Variants in ATRNL1 observed in about 807,000 individuals in gnomAD.
The protein encoded by ATRNL1 is attractin-like protein 1.
ATRNL1 carries 95 observed loss-of-function variants against 182.7 expected under a neutral mutation model. The observed-to-expected ratio is 0.52, with a 90% CI of 0.44 to 0.62. ATRNL1 has a LOEUF of 0.62. ATRNL1 is among the 20% of genes least tolerant of loss of function. The pLI is 0.00. For missense variants in ATRNL1, 1,471 were observed against 1,679.5 expected, an observed-to-expected ratio of 0.88 and a Z score of 2.17; for synonymous variants, 576 against 568.3, an observed-to-expected ratio of 1.01 and a Z score of -0.19.
intron 15 of ATRNL1, among the ~76,000 whole-genome samples, chr10:115,299,032 G>A (rs76143456): frequency 0.04 from 6,073 of 151,646 alleles, 413 homozygotes; most frequent in African/African-American, 0.14. Flanking sequence ...TTTCTATGTT[G>A]TTAATGTCTA....
At chr10:115,933,535 T>C (rs1953468070) in intron 28 of ATRNL1, among the ~76,000 whole-genome samples, 1 of 152,184 alleles carries the variant, frequency 6.6e-6, no homozygotes, top group African/African-American at 2.4e-5. Context: ...GATGTCCAGG[T>C]CTTTGCCCAT....
At chr10:115,772,880 G>A (rs1157117) in intron 27 of ATRNL1, among the ~76,000 whole-genome samples, 70,246 of 151,898 alleles carry the variant, frequency 0.46, 18,039 homozygotes, top group East Asian at 0.69. Flanking sequence ...ATAATGCTGT[G>A]AGCAGAGAAA....
At chr10:115,215,642 A>C in intron 8 of ATRNL1, 55 bp from the exon 9 acceptor site, 2 of 1,317,886 alleles carry the variant, frequency 1.5e-6, no homozygotes, top group South Asian at 2.9e-5. Context: ...GTGATATATT[A>C]GTTATATTTA....
chr10:115,803,624 A>G (rs1555084952), intron 27 of ATRNL1, among the ~76,000 whole-genome samples: 1 of 151,750 alleles, frequency 6.6e-6, no homozygotes, highest in African/African-American at 2.4e-5. Flanking sequence ...TTTTAAGCAA[A>G]TGGGCTTTTT....
chr10:115,647,323 G>A (rs1859695862), intron 26 of ATRNL1, among the ~76,000 whole-genome samples: 1 of 152,144 alleles, frequency 6.6e-6, no homozygotes, highest in Non-Finnish European at 1.5e-5. Flanking sequence ...CCAGTAATGG[G>A]ATGGCTGGAT....
intron 26 of ATRNL1, among the ~76,000 whole-genome samples, chr10:115,601,712 CAT>C (rs1856602377): frequency 6.6e-6 from 1 of 152,052 alleles, no homozygotes; most frequent in Non-Finnish European, 1.5e-5. Context: ...ATTTGCACAA[CAT>C]ATCATTTTTC....
intron 5 of ATRNL1, among the ~76,000 whole-genome samples, chr10:115,149,208 A>G (rs902778419): frequency 2.0e-5 from 3 of 152,104 alleles, no homozygotes; most frequent in Non-Finnish European, 4.4e-5. Context: ...ACGCCTGCAC[A>G]CATGGCAACA....
intron 19 of ATRNL1, among the ~76,000 whole-genome samples, chr10:115,385,635 C>A (rs1179121704): frequency 1.3e-5 from 2 of 149,960 alleles, no homozygotes; most frequent in East Asian, 3.9e-4. Context: ...TCTTTACCTA[C>A]CCCAAGGATG....
intron 27 of ATRNL1, among the ~76,000 whole-genome samples, chr10:115,841,622 C>T (rs1374119119): frequency 6.6e-6 from 1 of 152,068 alleles, no homozygotes; most frequent in Non-Finnish European, 1.5e-5. Flanking sequence ...TGCAATTTAA[C>T]CCTGTTTTTG....
intron 10 of ATRNL1, among the ~76,000 whole-genome samples, chr10:115,242,701 G>A (rs1010702521): frequency 3.3e-5 from 5 of 151,902 alleles, no homozygotes; most frequent in Non-Finnish European, 4.4e-5. Context: ...CTATTAATAA[G>A]CACTTTAATC....
chr10:115,291,159 G>A (rs1852884389), intron 15 of ATRNL1, among the ~76,000 whole-genome samples: 1 of 152,158 alleles, frequency 6.6e-6, no homozygotes, highest in South Asian at 2.1e-4. Flanking sequence ...GGGAAGTCTT[G>A]CTCAGGACTC....
intron 25 of ATRNL1, among the ~76,000 whole-genome samples, chr10:115,529,609 A>G (rs1554987599): frequency 1.3e-5 from 2 of 151,960 alleles, no homozygotes; most frequent in Non-Finnish European, 2.9e-5. Flanking sequence ...TTTAACAAGC[A>G]TATTTCCCTA....
intron 18 of ATRNL1, among the ~76,000 whole-genome samples, chr10:115,324,364 T>A (rs926576867): frequency 4.2e-4 from 64 of 152,332 alleles, no homozygotes; most frequent in African/African-American, 1.5e-3. Flanking sequence ...TGATAGAGAC[T>A]GTCCTGCAAA....
At position 115,461,953 on chromosome 10, in the gene ATRNL1, T is replaced by C; in HGVS notation, c.3335T>C (p.Ile1112Thr). The change falls in exon 22 of 29, where the codon ATT (isoleucine) becomes ACT (threonine). Residue 1112 changes from isoleucine (I) to threonine (T), a missense_variant. Coordinates refer to ENST00000355044, the MANE Select transcript of ATRNL1 (RefSeq NM_207303.4). ...LRGTCYYSLL[I>T]DYQFTFSLLQ... ...TTCCTCCCTACAGACAGCCTTTTGA[T>C]TGATTATCAATTTACCTTCAGCTTA... The C allele has an allele frequency of 1.9e-6, 3 of 1,609,872 alleles. No homozygotes were observed. The highest frequency in any genetic ancestry group is 2.5e-6 in the Non-Finnish European group (3 of 1,178,024).
At chr10:115,152,185 T>G (rs1416539676) in intron 5 of ATRNL1, among the ~76,000 whole-genome samples, 2 of 152,220 alleles carry the variant, frequency 1.3e-5, no homozygotes, top group African/African-American at 4.8e-5. Flanking sequence ...TAGGATTGTC[T>G]TGGCAATGTG....
chr10:115,604,499 C>T (rs2133950328), intron 26 of ATRNL1, among the ~76,000 whole-genome samples: 1 of 152,260 alleles, frequency 6.6e-6, no homozygotes, highest in East Asian at 1.9e-4. Flanking sequence ...AACCCTTTGT[C>T]TGCCTTTGTG....
chr10:115,179,897 A>G (rs1847681796), intron 8 of ATRNL1, among the ~76,000 whole-genome samples: 1 of 152,214 alleles, frequency 6.6e-6, no homozygotes, highest in African/African-American at 2.4e-5. Flanking sequence ...TCATCTTTCA[A>G]GAGTAGCTGT....
intron 19 of ATRNL1, among the ~76,000 whole-genome samples, chr10:115,338,361 A>T (rs899125041): frequency 2.6e-5 from 4 of 152,198 alleles, no homozygotes. Context: ...CCAACTGTGT[A>T]CAAGGGTTCT....
Position 115,283,210 on chromosome 10 carries a change from TGAA to T in ATRNL1, c.2233+1726_2233+1728del, listed in dbSNP as rs565113757. On this transcript the variant is annotated intron_variant, in intron 14 of 28. Coordinates refer to ENST00000355044, the MANE Select transcript of ATRNL1 (RefSeq NM_207303.4). ...GGGTGGATCACTTGAGGTCAGGAGTTGAAGACCAGCCTGGCCATCATGGTGAAA... is the reference window on the plus strand; with the variant it reads ...GGGTGGATCACTTGAGGTCAGGAGTTGACCAGCCTGGCCATCATGGTGAAA... Among the ~76,000 whole-genome samples the T allele has an allele frequency of 2.1e-3, 326 of 152,212 alleles. 1 individual carries two copies. The highest frequency in any genetic ancestry group is 3.7e-3 in the Non-Finnish European group (254 of 68,010).
Sources: allele counts gnomAD v4.1 joint callset (sites outside exome capture counted in the v4.1 genomes callset), GRCh38; gene constraint gnomAD v4.1.1; transcripts MANE v1.5; gene names NCBI Gene and HGNC (gene_info 2026-07-23, HGNC 2026-07-21).